PTK2: variants seen among roughly 807,000 people sequenced by gnomAD.
PTK2 encodes the protein focal adhesion kinase 1.
In PTK2, 45 loss-of-function variants were observed where a neutral mutation model predicts 150.1. The observed-to-expected ratio is 0.30, with a 90% CI of 0.24 to 0.38. PTK2 has a LOEUF of 0.38. Ranked by LOEUF, PTK2 falls within the 10% of genes least tolerant of loss-of-function variation. The pLI, the probability that PTK2 is intolerant of heterozygous loss-of-function variation, is 1.00. For synonymous variants in PTK2, 432 were observed against 449.2 expected, an observed-to-expected ratio of 0.96 and a Z score of 0.48; for missense variants, 919 against 1,307.3, an observed-to-expected ratio of 0.70 and a Z score of 4.58.
chr8:140,879,678 A>G (rs777053583), intron 3 of PTK2, 41 bp from the exon 4 acceptor site: 15 of 950,516 alleles, frequency 1.6e-5, no homozygotes, highest in Admixed American at 4.3e-5. Context: ...TATAAACTGA[A>G]AAAAAAAAAA....
chr8:140,778,053 T>C (rs1199371427), intron 14 of PTK2, among the ~76,000 whole-genome samples: 1 of 152,186 alleles, frequency 6.6e-6, no homozygotes, highest in Non-Finnish European at 1.5e-5. Flanking sequence ...CTTTCCCCTT[T>C]GGCAAAACCT....
intron 3 of PTK2, among the ~76,000 whole-genome samples, chr8:140,886,880 T>G (rs1333650274): frequency 6.6e-6 from 1 of 152,118 alleles, no homozygotes; most frequent in Non-Finnish European, 1.5e-5. Context: ...CTGGTAGAAT[T>G]TGGAATTTTA....
At chr8:140,722,764 A>G (rs202022672) in intron 22 of PTK2, among the ~76,000 whole-genome samples, 3 of 152,210 alleles carry the variant, frequency 2.0e-5, no homozygotes, top group Non-Finnish European at 4.4e-5. Flanking sequence ...AGAGTTTGTA[A>G]AAGTTTTAGT....
chr8:140,660,733 T>TC (rs2078503137), intron 31 of PTK2: 1 of 407,968 alleles, frequency 2.5e-6, no homozygotes, highest in South Asian at 1.8e-5. Context: ...TGTACGCCCC[T>TC]CCCCCCGCAC....
At chr8:140,797,908 G>T (rs1165906942) in intron 12 of PTK2, among the ~76,000 whole-genome samples, 2 of 152,044 alleles carry the variant, frequency 1.3e-5, no homozygotes, top group Non-Finnish European at 2.9e-5. Flanking sequence ...ATTCTCCTGT[G>T]TAGCTGGAAT....
At chr8:140,982,432 A>T (rs1280016055) in intron 1 of PTK2, among the ~76,000 whole-genome samples, 1 of 152,180 alleles carries the variant, frequency 6.6e-6, no homozygotes, top group Non-Finnish European at 1.5e-5. Context: ...CCCCATCTCT[A>T]CTAAAAATAC....
At chr8:140,761,606 A>G (rs1223635538) in intron 15 of PTK2, among the ~76,000 whole-genome samples, 1 of 152,170 alleles carries the variant, frequency 6.6e-6, no homozygotes, top group Non-Finnish European at 1.5e-5. Flanking sequence ...ACTATTAAGA[A>G]CTATTAGTTT....
intron 2 of PTK2, among the ~76,000 whole-genome samples, chr8:140,896,760 T>C (rs1035549770): frequency 5.1e-5 from 6 of 118,274 alleles, no homozygotes; most frequent in South Asian, 3.2e-4. Flanking sequence ...CCAAGTACCA[T>C]AGACGCCCCC....
At chr8:140,707,149 T>G (rs988269368) in intron 23 of PTK2, among the ~76,000 whole-genome samples, 1 of 152,144 alleles carries the variant, frequency 6.6e-6, no homozygotes, top group East Asian at 1.9e-4. Flanking sequence ...AAGATTAATA[T>G]AGATAGCAAG....
chr8:140,758,398 TAAAAC>T (rs975598367), intron 16 of PTK2, among the ~76,000 whole-genome samples: 4 of 152,166 alleles, frequency 2.6e-5, no homozygotes, highest in African/African-American at 4.8e-5. Context: ...CTTCTACTTA[TAAAAC>T]AAAACAAAAC....
chr8:140,814,592 CAAT>C (rs893681456), intron 10 of PTK2, among the ~76,000 whole-genome samples: 7 of 152,076 alleles, frequency 4.6e-5, no homozygotes, highest in African/African-American at 1.7e-4. Flanking sequence ...AAAAGGCTTT[CAAT>C]AAAATTCAAC....
At chr8:140,738,821 C>T (rs1366331289) in intron 21 of PTK2, among the ~76,000 whole-genome samples, 197 bp downstream of exon 24, 1 of 152,166 alleles carries the variant, frequency 6.6e-6, no homozygotes, top group Non-Finnish European at 1.5e-5. Flanking sequence ...TGGACCCTTA[C>T]AGAAGCTGTG....
rs193300238 is a variant in PTK2, at chr8:140,805,161, A to G, written c.868-1511T>C. The stretch of plus-strand genomic sequence containing the variant: ...CTCAGACTCATGCATCCAGCTCCCT[A>G]TATCATACTACCACATGGATGTCTG... On this transcript the variant is annotated intron_variant, in intron 10 of 31. Transcript: ENST00000522684. Among the ~76,000 whole-genome samples the G allele has an allele frequency of 1.3e-3, 204 of 152,260 alleles. 3 individuals are homozygous for G. The highest frequency in any genetic ancestry group is 0.01 in the Middle Eastern group (3 of 294).
At chr8:140,841,513 A>G (rs1171943818) in intron 7 of PTK2, among the ~76,000 whole-genome samples, 4 of 152,164 alleles carry the variant, frequency 2.6e-5, no homozygotes, top group Non-Finnish European at 5.9e-5. Flanking sequence ...CAAAACAAAC[A>G]TTTAACAATC....
chr8:140,902,587 G>C (rs1246747798), intron 2 of PTK2, among the ~76,000 whole-genome samples: 1 of 152,172 alleles, frequency 6.6e-6, no homozygotes, highest in Non-Finnish European at 1.5e-5. Context: ...CAGTGTAAAA[G>C]CGTTCCTATT....
At chr8:140,962,788 A>C (rs60740087) in intron 1 of PTK2, among the ~76,000 whole-genome samples, 3,652 of 151,642 alleles carry the variant, frequency 0.024, 161 homozygotes, top group African/African-American at 0.085. Context: ...CAAAAAAAAA[A>C]ACCACAGAAT....
chr8:140,801,839 G>C (rs1459789747), intron 11 of PTK2, among the ~76,000 whole-genome samples: 1 of 152,062 alleles, frequency 6.6e-6, no homozygotes, highest in African/African-American at 2.4e-5. Context: ...CATATACAAT[G>C]GTGGTTCCAT....
Position 140,846,340 on chromosome 8 carries a change from A to G in PTK2, c.531-18T>C, listed in dbSNP as rs1266604833. On this transcript the variant is annotated intron_variant, in intron 6 of 31. Transcript: ENST00000522684. ...ATGATCGCCTAAAATCAGGGAAGAC[A>G]TACATTTATATGTATATATAAGGAA... The G allele has an allele frequency of 1.9e-6, 3 of 1,604,646 alleles. No individual in the cohort carries two copies.
chr8:140,950,340 TGGGCG>T (rs1319082129), intron 1 of PTK2, among the ~76,000 whole-genome samples: 1 of 152,206 alleles, frequency 6.6e-6, no homozygotes, highest in African/African-American at 2.4e-5. Flanking sequence ...TCCACTCTTC[TGGGCG>T]CCACCTCGTT....
Sources: gnomAD v4.1 joint callset for allele counts (sites outside exome capture counted in the v4.1 genomes callset) on GRCh38, gnomAD v4.1.1 for gene constraint, MANE v1.5 for transcripts, NCBI Gene and HGNC (gene_info 2026-07-23, HGNC 2026-07-21) for gene names.